Variants in ANKS1B observed in about 807,000 individuals in gnomAD.
The protein encoded by ANKS1B is ankyrin repeat and sterile alpha motif domain containing 1B.
In ANKS1B, 36 loss-of-function variants were observed where a neutral mutation model predicts 148.3. That is an observed-to-expected ratio of 0.24 (90% CI 0.19 to 0.32). The LOEUF (loss-of-function observed/expected upper bound fraction) is 0.32, where lower values mean the gene tolerates loss of function less well. Ranked by LOEUF, ANKS1B falls within the 10% of genes least tolerant of loss-of-function variation. The probability of loss-of-function intolerance (pLI) is 1.00; values close to 1 mark genes in which losing one functional copy is unlikely to be tolerated. For synonymous variants in ANKS1B, 542 were observed against 560.8 expected (o/e 0.97, Z 0.47); for missense variants, 1,157 against 1,542.6 (o/e 0.75, Z 4.19).
At chr12:99,446,274 CA>C (rs562163012) in intron 10 of ANKS1B, among the ~76,000 whole-genome samples, 9 of 151,540 alleles carry the variant, frequency 5.9e-5, no homozygotes, top group Non-Finnish European at 1.2e-4. Context: ...ATTTCATATA[CA>C]AAAAAACTGG....
At position 99,067,583 on chromosome 12, in the gene ANKS1B, C is replaced by T. The variant is rs891056050; in HGVS notation, c.2626-14274G>A. 3.9e-5 allele frequency among the ~76,000 whole-genome samples: 6 copies of T among 152,000 alleles called. No homozygotes were observed. The South Asian group carries it at 6.2e-4, about 16-fold the overall frequency. On this transcript the variant is annotated intron_variant, in intron 16 of 26. Transcript: ENST00000683438. Reference sequence around the variant, plus strand: ...AAAAGGGCAGATGTCTCATGGTCAGCGGTAGTCTAGTTAACAGTGCACATG... The same window carrying T: ...AAAAGGGCAGATGTCTCATGGTCAGTGGTAGTCTAGTTAACAGTGCACATG...
intron 10 of ANKS1B, among the ~76,000 whole-genome samples, chr12:99,452,456 T>C (rs551539038): frequency 6.6e-6 from 1 of 152,330 alleles, no homozygotes; most frequent in African/African-American, 2.4e-5. Context: ...AATGGCATTA[T>C]ATCTAACACC....
intron 8 of ANKS1B, among the ~76,000 whole-genome samples, chr12:99,714,699 G>A (rs1276648935): frequency 6.6e-6 from 1 of 152,104 alleles, no homozygotes; most frequent in African/African-American, 2.4e-5. Context: ...CCTTTGCCCT[G>A]TCTTGTTCTT....
chr12:99,931,783 TC>T (rs2094623056), intron 1 of ANKS1B, among the ~76,000 whole-genome samples: 1 of 152,132 alleles, frequency 6.6e-6, no homozygotes, highest in South Asian at 2.1e-4. Context: ...TTACAAACAT[TC>T]CAATTATACT....
chr12:99,754,834 G>A lies in ANKS1B; in HGVS notation c.1128+18088C>T, dbSNP rs189199030. On this transcript the variant is annotated intron_variant, in intron 8 of 26. Transcript: ENST00000683438. ...AGATACAACATACCAGAATCTCTGG[G>A]ACACAGCTCAGGCACTGTTAAGAAG... 2.8e-4 allele frequency among the ~76,000 whole-genome samples: 43 copies of A among 152,220 alleles called. No homozygotes were observed. The East Asian group carries it at 7.1e-3, about 25-fold the overall frequency.
chr12:99,753,750 G>A (rs577498992), intron 8 of ANKS1B, among the ~76,000 whole-genome samples: 3 of 151,994 alleles, frequency 2.0e-5, no homozygotes, highest in Non-Finnish European at 2.9e-5. Context: ...GGGTGGGCAC[G>A]GTGGCTCACA....
chr12:99,176,674 C>G (rs2078422563), intron 14 of ANKS1B, among the ~76,000 whole-genome samples: 1 of 152,168 alleles, frequency 6.6e-6, no homozygotes, highest in Non-Finnish European at 1.5e-5. Context: ...GGGCCATCCC[C>G]TTAGCGATAA....
At chr12:99,659,411 A>T (rs1477566056) in intron 8 of ANKS1B, among the ~76,000 whole-genome samples, 1 of 152,134 alleles carries the variant, frequency 6.6e-6, no homozygotes, top group Non-Finnish European at 1.5e-5. Flanking sequence ...TATAAAAAAA[A>T]ATAGACCTAA....
rs1007598773 is a variant in ANKS1B at position 99,955,425 on chromosome 12, G to A, written c.134+28679C>T. On this transcript the variant is annotated intron_variant, in intron 1 of 26. Coordinates refer to ENST00000683438, the MANE Select transcript of ANKS1B (RefSeq NM_001352186.2). Reference sequence around the variant, plus strand: ...GGAGAATGGCGTGAACCCGGGAGGCGGAGCTTGCAGTGAGTCGAGATCGCG... The same window carrying A: ...GGAGAATGGCGTGAACCCGGGAGGCAGAGCTTGCAGTGAGTCGAGATCGCG... 8.1e-5 allele frequency among the ~76,000 whole-genome samples: 12 copies of A among 147,958 alleles called. No individual in the cohort carries two copies. The East Asian group carries it at 1.4e-3, about 17-fold the overall frequency.
chr12:99,427,594 T>G (rs1276741606), intron 11 of ANKS1B, among the ~76,000 whole-genome samples: 1 of 152,204 alleles, frequency 6.6e-6, no homozygotes, highest in Admixed American at 6.5e-5. Context: ...TGAAGTTATA[T>G]TCTCTATTTA....
chr12:98,994,750 C>T (rs1397947845), intron 17 of ANKS1B, among the ~76,000 whole-genome samples: 1 of 152,156 alleles, frequency 6.6e-6, no homozygotes, highest in Non-Finnish European at 1.5e-5. Flanking sequence ...TTCACACGGA[C>T]TTCCCTCTGA....
At chr12:99,032,602 G>T (rs1363405443) in intron 17 of ANKS1B, among the ~76,000 whole-genome samples, 1 of 152,112 alleles carries the variant, frequency 6.6e-6, no homozygotes, top group Non-Finnish European at 1.5e-5. Flanking sequence ...GATCCTAAAT[G>T]AATTAGATTT....
intron 12 of ANKS1B, among the ~76,000 whole-genome samples, chr12:99,247,892 T>C (rs1319932580): frequency 6.6e-6 from 1 of 152,222 alleles, no homozygotes; most frequent in African/African-American, 2.4e-5. Flanking sequence ...AACTAAAGTA[T>C]AGTAAATGTG....
chr12:98,799,263 A>C (rs1184539854), intron 21 of ANKS1B, among the ~76,000 whole-genome samples: 2 of 152,160 alleles, frequency 1.3e-5, no homozygotes. Flanking sequence ...GCCATCTTTC[A>C]AATCATATTT....
At chr12:99,563,953 T>C (rs568047179) in intron 9 of ANKS1B, among the ~76,000 whole-genome samples, 1 of 152,316 alleles carries the variant, frequency 6.6e-6, no homozygotes, top group African/African-American at 2.4e-5. Context: ...GTCAAGATCA[T>C]GTTTGCAAGA....
At chr12:99,088,061 G>C (rs943845463) in intron 15 of ANKS1B, among the ~76,000 whole-genome samples, 2 of 152,032 alleles carry the variant, frequency 1.3e-5, no homozygotes, top group African/African-American at 4.8e-5. Context: ...AAACATTTTT[G>C]AAAAATGAAC....
chr12:98,771,730 C>T (rs374967499), intron 25 of ANKS1B, among the ~76,000 whole-genome samples: 16 of 152,264 alleles, frequency 1.1e-4, no homozygotes, highest in South Asian at 6.2e-4. Context: ...CTGCCCACCT[C>T]GGCCTCCAAA....
At chr12:99,248,175 C>T (rs759824711) in intron 12 of ANKS1B, among the ~76,000 whole-genome samples, 1 of 152,066 alleles carries the variant, frequency 6.6e-6, no homozygotes, top group Admixed American at 6.6e-5. Flanking sequence ...AAATTGGCAA[C>T]CATAATAAAT....
At chr12:99,705,524 G>A (rs2055605950) in intron 8 of ANKS1B, among the ~76,000 whole-genome samples, 1 of 152,134 alleles carries the variant, frequency 6.6e-6, no homozygotes. Context: ...ATGGCATCTA[G>A]AAGACAATAT....
Sources: gnomAD v4.1 joint callset for allele counts (sites outside exome capture counted in the v4.1 genomes callset) on GRCh38, gnomAD v4.1.1 for gene constraint, MANE v1.5 for transcripts, NCBI Gene and HGNC (gene_info 2026-07-23, HGNC 2026-07-21) for gene names.